DENND6A: variants seen among roughly 807,000 people sequenced by gnomAD.
DENND6A encodes protein DENND6A.
DENND6A carries 43 observed loss-of-function variants against 95.5 expected under a neutral mutation model. The observed-to-expected ratio is 0.45, with a 90% confidence interval of 0.35 to 0.58. The LOEUF (loss-of-function observed/expected upper bound fraction) is 0.58, where lower values mean the gene tolerates loss of function less well. DENND6A is among the 20% of genes least tolerant of loss of function. DENND6A has a pLI of 0.00. For synonymous variants in DENND6A, 257 were observed against 260.4 expected (o/e 0.99, Z 0.13); for missense variants, 574 against 736.0 (o/e 0.78, Z 2.55).
chr3:57,645,390 G>C (rs973702394), intron 11 of DENND6A, among the ~76,000 whole-genome samples: 2 of 152,152 alleles, frequency 1.3e-5, no homozygotes, highest in Non-Finnish European at 2.9e-5. Flanking sequence ...GAACCCAGGA[G>C]GCAGAGGTTG....
intron 3 of DENND6A, among the ~76,000 whole-genome samples, chr3:57,667,694 T>C (rs1383219653): frequency 6.6e-6 from 1 of 152,190 alleles, no homozygotes; most frequent in Non-Finnish European, 1.5e-5. Context: ...CTTGTTACTG[T>C]TCCATAACCA....
chr3:57,685,782 C>A (rs1190710089), intron 1 of DENND6A, among the ~76,000 whole-genome samples: 2 of 151,946 alleles, frequency 1.3e-5, no homozygotes, highest in Non-Finnish European at 2.9e-5. Flanking sequence ...TTGGCAGAAT[C>A]ATTCTATGTT....
chr3:57,629,456 T>C (rs886888460), intron 18 of DENND6A, among the ~76,000 whole-genome samples: 17 of 151,834 alleles, frequency 1.1e-4, no homozygotes, highest in Non-Finnish European at 4.4e-5. Flanking sequence ...TCACAAGTAG[T>C]TTAATTTAAA....
chr3:57,663,130 G>A (rs541862812), intron 5 of DENND6A, among the ~76,000 whole-genome samples: 8 of 115,774 alleles, frequency 6.9e-5, no homozygotes, highest in South Asian at 2.7e-4. Context: ...CAGCCTGGGC[G>A]ACAAGAGCAA....
chr3:57,641,629 C>T (rs1394210903), intron 12 of DENND6A, 24 bp downstream of exon 12: 1 of 1,590,534 alleles, frequency 6.3e-7, no homozygotes, highest in Admixed American at 1.7e-5. Flanking sequence ...ACACTAGAAA[C>T]AGAACACCAA....
At chr3:57,654,188 C>G (rs1253682533) in intron 9 of DENND6A, among the ~76,000 whole-genome samples, 1 of 151,820 alleles carries the variant, frequency 6.6e-6, no homozygotes, top group East Asian at 1.9e-4. Context: ...ATCTCCTGAC[C>G]TCGTGATCCA....
At chr3:57,642,506 T>C (rs1393671046) in intron 11 of DENND6A, among the ~76,000 whole-genome samples, 6 of 151,812 alleles carry the variant, frequency 4.0e-5, no homozygotes, top group African/African-American at 1.5e-4. Flanking sequence ...TGAAGTGACA[T>C]TATGGCCTGT....
In DENND6A at chr3:57,672,451, A is replaced by G. The variant is rs750816742; in HGVS notation, c.238-13T>C. 2.5e-6 allele frequency: 4 copies of G among 1,610,566 alleles called. No homozygotes were observed. Among genetic ancestry groups the G allele is most frequent in the Admixed American group, 1.7e-5 (1 of 59,966 alleles). On this transcript the variant is annotated splice_polypyrimidine_tract_variant and intron_variant, in intron 1 of 19. Coordinates refer to ENST00000311128, the MANE Select transcript of DENND6A (RefSeq NM_152678.3). ...GAGGATAAATTACCTGGAAGAAAAG[A>G]GTTAAATTTTGTTAAACATATTATA...
rs377547303 is a variant in DENND6A, at chr3:57,659,219, A to C, written c.700-39T>G. The C allele has an allele frequency of 9.3e-6, 15 of 1,606,890 alleles. No homozygotes were observed. In the African/African-American group the frequency reaches 1.3e-4, roughly 14 times the overall value. On this transcript the variant is annotated intron_variant, in intron 7 of 19. Transcript: ENST00000311128. ...AGGAAATTATTTTTGGTTATAAAAG[A>C]ATGGAGGATGAGAAGTGCTGTATCC...
At chr3:57,650,960 T>C (rs1291954283) in intron 9 of DENND6A, among the ~76,000 whole-genome samples, 1 of 152,110 alleles carries the variant, frequency 6.6e-6, no homozygotes, top group Non-Finnish European at 1.5e-5. Context: ...AGTTTTGTAT[T>C]TTTAGTAGAG....
intron 12 of DENND6A, 131 bp from the exon 13 acceptor site, chr3:57,634,900 A>G (rs1223157585): frequency 5.8e-6 from 4 of 688,800 alleles, no homozygotes; most frequent in African/African-American, 5.4e-5. Flanking sequence ...ACATCTATTA[A>G]TATGTTAAGG....
chr3:57,675,582 A>G (rs561912481), intron 1 of DENND6A, among the ~76,000 whole-genome samples: 4 of 152,300 alleles, frequency 2.6e-5, no homozygotes, highest in African/African-American at 9.6e-5. Flanking sequence ...GCATTTTCTT[A>G]GGTTATTTTA....
At position 57,673,504 on chromosome 3, in the gene DENND6A, G is replaced by A. The variant is rs144606430; in HGVS notation, c.238-1066C>T. On this transcript the variant is annotated intron_variant, in intron 1 of 19. Coordinates refer to ENST00000311128, the MANE Select transcript of DENND6A (RefSeq NM_152678.3). Reference sequence around the variant, plus strand: ...AATTAGATAGAAGGAATAAGATCTAGTGTTTGGTAGCACAATAGGACAACC... The same window carrying A: ...AATTAGATAGAAGGAATAAGATCTAATGTTTGGTAGCACAATAGGACAACC... 5.0e-3 allele frequency among the ~76,000 whole-genome samples: 754 copies of A among 152,270 alleles called. 5 individuals carry two copies. The highest frequency in any genetic ancestry group is 0.017 in the African/African-American group (716 of 41,568).
chr3:57,692,733 G>A (rs143681465), intron 1 of DENND6A, 49 bp downstream of exon 1: 39,269 of 1,377,476 alleles, frequency 0.029, 644 homozygotes, highest in Middle Eastern at 0.032. Flanking sequence ...TGCTGCAGCC[G>A]CCCCGGCGCA....
Position 57,657,704 on chromosome 3 carries a change from G to A in DENND6A, c.794C>T (p.Thr265Ile). The A allele has an allele frequency of 6.3e-7, 1 of 1,583,242 alleles. No homozygotes were observed. The highest frequency in any genetic ancestry group is 2.3e-5 in the East Asian group (1 of 44,214). The stretch of plus-strand genomic sequence containing the variant: ...CCTGAAAATATCCACCTCATGAACA[G>A]TAGGTAAAATAACAGATATATTTGT... ...VDTNISVILP[T>I]VHEVDIFRCF... The change falls in exon 9 of 20, where the codon ACT (threonine) becomes ATT (isoleucine). Residue 265 changes from threonine to isoleucine, a missense_variant. By Grantham distance (89) the Thr-to-Ile change is moderately conservative. Transcript: ENST00000311128.
chr3:57,662,555 T>C (rs2071443102), intron 5 of DENND6A, among the ~76,000 whole-genome samples: 1 of 152,112 alleles, frequency 6.6e-6, no homozygotes, highest in Admixed American at 6.5e-5. Flanking sequence ...GAAACAATAA[T>C]GGCTAAGATG....
chr3:57,681,634 A>AAAAG (rs1241148120), intron 1 of DENND6A, among the ~76,000 whole-genome samples: 2 of 151,638 alleles, frequency 1.3e-5, no homozygotes, highest in African/African-American at 2.4e-5. Flanking sequence ...AAAAAAAAAA[A>AAAAG]AAAGAAAGAA....
intron 4 of DENND6A, among the ~76,000 whole-genome samples, chr3:57,664,035 AT>A (rs2071486656): frequency 6.7e-6 from 1 of 148,302 alleles, no homozygotes; most frequent in African/African-American, 2.4e-5. Context: ...CTAAAGTCAA[AT>A]TTTCCCCCTA....
At chr3:57,647,741 A>G (rs2071109210) in intron 9 of DENND6A, among the ~76,000 whole-genome samples, 1 of 150,054 alleles carries the variant, frequency 6.7e-6, no homozygotes. Flanking sequence ...CACTCATGTG[A>G]GGCTTGACCT....
Sources: allele counts gnomAD v4.1 joint callset (sites outside exome capture counted in the v4.1 genomes callset), GRCh38; gene constraint gnomAD v4.1.1; transcripts MANE v1.5; gene names NCBI Gene and HGNC (gene_info 2026-07-23, HGNC 2026-07-21).